RPAP2: variants seen among roughly 807,000 people sequenced by gnomAD.
RPAP2 encodes RNA polymerase II associated protein 2.
Under a neutral mutation model 73.1 loss-of-function variants are expected in RPAP2, and 52 were observed. The ratio of observed to expected loss-of-function variants is 0.71; its 90% CI spans 0.57 to 0.90. The LOEUF (loss-of-function observed/expected upper bound fraction) is 0.90, where lower values mean the gene tolerates loss of function less well. Ranked by LOEUF, RPAP2 falls within the 40% of genes least tolerant of loss-of-function variation. RPAP2 has a pLI of 0.00. For missense variants in RPAP2, 598 were observed against 701.8 expected, an observed-to-expected ratio of 0.85 and a Z score of 1.67; for synonymous variants, 225 against 242.1, an observed-to-expected ratio of 0.93 and a Z score of 0.65.
chr1:92,336,469 CTTTA>C (rs1653286030), intron 10 of RPAP2, 42 bp downstream of exon 10: 1 of 1,366,216 alleles, frequency 7.3e-7, no homozygotes, highest in Non-Finnish European at 1.0e-6. Flanking sequence ...ATTATTTTGA[CTTTA>C]TTTATTGCCT....
At chr1:92,321,947 T>TA (rs1652294388) in intron 7 of RPAP2, among the ~76,000 whole-genome samples, 1 of 148,020 alleles carries the variant, frequency 6.8e-6, no homozygotes, top group Admixed American at 6.7e-5. Context: ...TTTCTTTCTT[T>TA]TTTTTTTTTT....
intron 3 of RPAP2, among the ~76,000 whole-genome samples, chr1:92,303,272 C>T (rs889283402): frequency 5.9e-5 from 9 of 152,156 alleles, no homozygotes; most frequent in South Asian, 2.1e-4. Context: ...TTGATGACAC[C>T]AGAAAAGACA....
At chr1:92,329,895 T>G (rs1411343042) in intron 8 of RPAP2, among the ~76,000 whole-genome samples, 1 of 152,194 alleles carries the variant, frequency 6.6e-6, no homozygotes, top group East Asian at 1.9e-4. Flanking sequence ...ACAAATTAAG[T>G]AATCTGAGGA....
intron 7 of RPAP2, among the ~76,000 whole-genome samples, chr1:92,321,214 G>A (rs975896771): frequency 1.3e-5 from 2 of 152,146 alleles, no homozygotes; most frequent in Non-Finnish European, 2.9e-5. Context: ...ATTTATTGAT[G>A]TATATCTTTA....
chr1:92,303,154 T>A (rs1650980906), intron 3 of RPAP2, among the ~76,000 whole-genome samples: 1 of 152,182 alleles, frequency 6.6e-6, no homozygotes, highest in African/African-American at 2.4e-5. Context: ...AAGCTTCTAT[T>A]ACAAAAACAC....
rs1255791142 is a variant in RPAP2 at position 92,398,129 on chromosome 1, A to C, written c.*11118A>C. The C allele has an allele frequency of 6.6e-6, 1 of 152,244 alleles. No homozygotes were observed. Among genetic ancestry groups the C allele is most frequent in the Non-Finnish European group, 1.5e-5 (1 of 68,060 alleles). 9.4% of individuals were successfully genotyped at this position (152,244 alleles called of 1,614,324 possible). On this transcript the variant is annotated 3_prime_UTR_variant, in exon 13 of 13. Coordinates refer to ENST00000610020, the MANE Select transcript of RPAP2 (RefSeq NM_024813.3). ...TGTGGCACTGCACTCCAGCCTAGGC[A>C]ATAGAGTGAGACTGTCTCAAAAAAT...
chr1:92,331,740 G>A (rs1652981668), intron 8 of RPAP2, among the ~76,000 whole-genome samples: 1 of 151,944 alleles, frequency 6.6e-6, no homozygotes, highest in African/African-American at 2.4e-5. Flanking sequence ...CTCTTTCATT[G>A]TTTTTCATTC....
At chr1:92,330,605 C>T (rs1424787713) in intron 8 of RPAP2, among the ~76,000 whole-genome samples, 1 of 151,604 alleles carries the variant, frequency 6.6e-6, no homozygotes, top group Admixed American at 6.6e-5. Flanking sequence ...CCGTGCCATG[C>T]CTGCCTAACT....
intron 11 of RPAP2, among the ~76,000 whole-genome samples, chr1:92,372,988 T>C (rs1005623735): frequency 6.6e-6 from 1 of 152,236 alleles, no homozygotes; most frequent in African/African-American, 2.4e-5. Context: ...ATAATTGTCC[T>C]CTTAAACTAG....
chr1:92,325,324 T>TA (rs1160043923), intron 8 of RPAP2, among the ~76,000 whole-genome samples: 1 of 152,098 alleles, frequency 6.6e-6, no homozygotes, highest in African/African-American at 2.4e-5. Context: ...AGAAATGTAG[T>TA]AAAAAATTTA....
intron 11 of RPAP2, among the ~76,000 whole-genome samples, chr1:92,375,557 G>T (rs1388343667): frequency 6.6e-6 from 1 of 152,076 alleles, no homozygotes; most frequent in Non-Finnish European, 1.5e-5. Flanking sequence ...TTGGACAGGC[G>T]CAGTGGCTCA....
intron 11 of RPAP2, among the ~76,000 whole-genome samples, chr1:92,356,614 T>A (rs978902442): frequency 1.1e-4 from 16 of 150,448 alleles, no homozygotes; most frequent in African/African-American, 3.9e-4. Flanking sequence ...TCTGTATTTT[T>A]AGTAGAGATG....
At chr1:92,382,828 C>A (rs1655702831) in intron 12 of RPAP2, among the ~76,000 whole-genome samples, 1 of 152,114 alleles carries the variant, frequency 6.6e-6, no homozygotes, top group African/African-American at 2.4e-5. Flanking sequence ...GTGTTTTAGA[C>A]ATGAAGTCCT....
At chr1:92,363,306 G>T (rs975782881) in intron 11 of RPAP2, among the ~76,000 whole-genome samples, 2 of 152,134 alleles carry the variant, frequency 1.3e-5, no homozygotes, top group Non-Finnish European at 2.9e-5. Context: ...TGAAGCTGCG[G>T]GCAAGGTAGA....
chr1:92,305,077 G>C (rs909047161), intron 5 of RPAP2, among the ~76,000 whole-genome samples: 1 of 151,882 alleles, frequency 6.6e-6, no homozygotes, highest in Admixed American at 6.6e-5. Context: ...AGAGGTTACA[G>C]TGAGCCGAGA....
rs1239813533 is a variant in RPAP2, at chr1:92,388,714, C to G, written c.*1703C>G. 6.6e-6 allele frequency: 1 copy of G among 152,358 alleles called. No homozygotes were observed. Among genetic ancestry groups the G allele is most frequent in the African/African-American group, 2.4e-5 (1 of 41,454 alleles). The allele number at this position is 152,358 out of a possible 1,614,324, so 9.4% of individuals were successfully genotyped here. ...CTTCGCAACTGGCAGACCACGAAATCCCCTCCCATGCCTGGTTCAGTGGGT... is the reference window on the plus strand; with the variant it reads ...CTTCGCAACTGGCAGACCACGAAATGCCCTCCCATGCCTGGTTCAGTGGGT... On this transcript the variant is annotated 3_prime_UTR_variant, in exon 13 of 13. Transcript: ENST00000610020.
intron 10 of RPAP2, among the ~76,000 whole-genome samples, chr1:92,341,366 G>A (rs1653584319): frequency 6.6e-6 from 1 of 151,994 alleles, no homozygotes; most frequent in Non-Finnish European, 1.5e-5. Context: ...CTTTTGAATT[G>A]TCACTCAAAC....
chr1:92,360,190 G>A (rs1234593294), intron 11 of RPAP2, among the ~76,000 whole-genome samples: 2 of 152,216 alleles, frequency 1.3e-5, no homozygotes, highest in African/African-American at 4.8e-5. Context: ...GTAAGTTTAA[G>A]TGTCAAGAAA....
chr1:92,334,346 A>G (rs1653143978), intron 9 of RPAP2, among the ~76,000 whole-genome samples: 1 of 152,142 alleles, frequency 6.6e-6, no homozygotes, highest in African/African-American at 2.4e-5. Flanking sequence ...GAACCAACCA[A>G]TTGTAAAAAG....
Sources: allele counts gnomAD v4.1 joint callset (sites outside exome capture counted in the v4.1 genomes callset), GRCh38; gene constraint gnomAD v4.1.1; transcripts MANE v1.5; gene names NCBI Gene and HGNC (gene_info 2026-07-23, HGNC 2026-07-21).